Variants in PTPRD observed in about 807,000 individuals in gnomAD.
The protein encoded by PTPRD is protein tyrosine phosphatase receptor type D.
In PTPRD, 34 loss-of-function variants were observed where a neutral mutation model predicts 214.5. The observed-to-expected ratio is 0.16, with a 90% CI of 0.12 to 0.21. The LOEUF (loss-of-function observed/expected upper bound fraction) is 0.21, where lower values mean the gene tolerates loss of function less well. Ranked by LOEUF, PTPRD falls within the 10% of genes least tolerant of loss-of-function variation. The pLI is 1.00. For synonymous variants in PTPRD, 1,128 were observed against 845.7 expected, an observed-to-expected ratio of 1.33 and a Z score of -5.79; for missense variants, 2,545 against 2,398.7, an observed-to-expected ratio of 1.06 and a Z score of -1.27.
intron 5 of PTPRD, among the ~76,000 whole-genome samples, chr9:9,857,612 CT>C (rs1188755682): frequency 6.6e-6 from 1 of 152,088 alleles, no homozygotes; most frequent in East Asian, 1.9e-4. Flanking sequence ...CTAGTGGAAG[CT>C]GAAGTTTTAC....
At chr9:9,607,579 T>C (rs1353330226) in intron 7 of PTPRD, among the ~76,000 whole-genome samples, 1 of 152,086 alleles carries the variant, frequency 6.6e-6, no homozygotes, top group Non-Finnish European at 1.5e-5. Context: ...ATCCTCAGTC[T>C]ATCCAGAAAT....
At chr9:10,545,202 C>T (rs1035651425) in intron 2 of PTPRD, among the ~76,000 whole-genome samples, 1 of 152,152 alleles carries the variant, frequency 6.6e-6, no homozygotes, top group Non-Finnish European at 1.5e-5. Flanking sequence ...TCAGAAGCTG[C>T]ATATCAGAGA....
intron 9 of PTPRD, among the ~76,000 whole-genome samples, chr9:9,316,467 T>C (rs182828331): frequency 1.4e-4 from 21 of 152,228 alleles, no homozygotes; most frequent in East Asian, 1.9e-4. Context: ...GGGTAATCTA[T>C]AGATAAGTCA....
At chr9:8,670,150 G>A (rs1323702766) in intron 12 of PTPRD, among the ~76,000 whole-genome samples, 3 of 151,986 alleles carry the variant, frequency 2.0e-5, no homozygotes, top group African/African-American at 7.3e-5. Context: ...TTGGGCAGGA[G>A]GAAAAGGCAT....
At chr9:8,961,364 G>A (rs1033611816) in intron 11 of PTPRD, among the ~76,000 whole-genome samples, 1 of 152,072 alleles carries the variant, frequency 6.6e-6, no homozygotes, top group Non-Finnish European at 1.5e-5. Flanking sequence ...TTCTTTCCCC[G>A]TGTCATCATG....
intron 7 of PTPRD, among the ~76,000 whole-genome samples, chr9:9,720,615 C>T (rs1198459705): frequency 1.3e-5 from 2 of 152,114 alleles, no homozygotes; most frequent in East Asian, 3.9e-4. Flanking sequence ...CAGGTGACTA[C>T]TACTGAGAAA....
At chr9:8,624,562 A>T (rs990277719) in intron 14 of PTPRD, among the ~76,000 whole-genome samples, 2 of 151,850 alleles carry the variant, frequency 1.3e-5, no homozygotes, top group Non-Finnish European at 2.9e-5. Context: ...TAATAAAGGG[A>T]GAAGGAAGGA....
At position 9,746,043 on chromosome 9, in the gene PTPRD, T is replaced by C. The variant is rs74788391; in HGVS notation, c.-325-11472A>G. Among the ~76,000 whole-genome samples the C allele has an allele frequency of 7.3e-3, 1,116 of 152,236 alleles. 8 individuals carry two copies. Among genetic ancestry groups the C allele is most frequent in the Non-Finnish European group, 0.011 (762 of 67,996 alleles). On this transcript the variant is annotated intron_variant, in intron 6 of 45. Coordinates refer to ENST00000381196, the MANE Select transcript of PTPRD (RefSeq NM_002839.4). ...ATAAGATTTTATATGAGTACTCTAG[T>C]ATGAGAAACCAAGTTTCCTCAGGAA...
chr9:8,702,520 G>A (rs1329153547), intron 12 of PTPRD, among the ~76,000 whole-genome samples: 1 of 152,160 alleles, frequency 6.6e-6, no homozygotes, highest in Non-Finnish European at 1.5e-5. Flanking sequence ...AGCCAACAAG[G>A]ACAGTTGGGA....
intron 2 of PTPRD, among the ~76,000 whole-genome samples, chr9:10,572,712 A>T (rs2067858721): frequency 6.6e-6 from 1 of 152,084 alleles, no homozygotes; most frequent in African/African-American, 2.4e-5. Context: ...CTATGTACTC[A>T]ACTCTCCACT....
intron 5 of PTPRD, among the ~76,000 whole-genome samples, chr9:9,903,123 TGAAA>T (rs1390258805): frequency 6.6e-6 from 1 of 152,138 alleles, no homozygotes; most frequent in Non-Finnish European, 1.5e-5. Flanking sequence ...TAATCAAATG[TGAAA>T]GAAACAGCTA....
At chr9:8,835,163 G>C (rs561570562) in intron 11 of PTPRD, among the ~76,000 whole-genome samples, 1 of 152,288 alleles carries the variant, frequency 6.6e-6, no homozygotes, top group Admixed American at 6.5e-5. Context: ...GAAACGAAAT[G>C]ACCCCAGCTC....
intron 12 of PTPRD, among the ~76,000 whole-genome samples, chr9:8,701,889 C>T (rs1259330757): frequency 6.6e-6 from 1 of 152,086 alleles, no homozygotes; most frequent in Admixed American, 6.5e-5. Flanking sequence ...TTATTGTAAT[C>T]TTTATTCTTT....
intron 2 of PTPRD, among the ~76,000 whole-genome samples, chr9:10,595,301 G>A (rs911819167): frequency 2.6e-5 from 4 of 151,820 alleles, no homozygotes; most frequent in African/African-American, 9.7e-5. Flanking sequence ...AAAATAAAAA[G>A]AGATGAACTA....
intron 5 of PTPRD, among the ~76,000 whole-genome samples, chr9:9,903,888 A>G (rs2153813685): frequency 6.6e-6 from 1 of 152,158 alleles, no homozygotes; most frequent in East Asian, 1.9e-4. Context: ...ATAACAATAA[A>G]CTCGGTTTTC....
chr9:8,785,004 A>G (rs2095879311), intron 11 of PTPRD, among the ~76,000 whole-genome samples: 2 of 152,238 alleles, frequency 1.3e-5, no homozygotes, highest in African/African-American at 2.4e-5. Flanking sequence ...GGGATCTTGT[A>G]CCAACATGCT....
intron 3 of PTPRD, among the ~76,000 whole-genome samples, chr9:10,038,677 C>T (rs1451488815): frequency 1.3e-5 from 2 of 152,158 alleles, no homozygotes; most frequent in South Asian, 4.1e-4. Context: ...CACACTTCAA[C>T]ATTACACCTT....
intron 2 of PTPRD, among the ~76,000 whole-genome samples, chr9:10,514,292 C>T (rs1199786658): frequency 6.6e-6 from 1 of 151,026 alleles, no homozygotes; most frequent in Admixed American, 6.6e-5. Context: ...TTTTTATAAA[C>T]TCTTCTTTGG....
intron 2 of PTPRD, among the ~76,000 whole-genome samples, chr9:10,451,006 G>A (rs991699434): frequency 2.6e-5 from 4 of 151,978 alleles, no homozygotes; most frequent in Non-Finnish European, 4.4e-5. Context: ...TAGAGGGTTT[G>A]TAAATGCCAC....
Sources: gnomAD v4.1 joint callset for allele counts (sites outside exome capture counted in the v4.1 genomes callset) on GRCh38, gnomAD v4.1.1 for gene constraint, MANE v1.5 for transcripts, NCBI Gene and HGNC (gene_info 2026-07-23, HGNC 2026-07-21) for gene names.